ATRNL1: variants seen among roughly 807,000 people sequenced by gnomAD.
ATRNL1 encodes attractin like 1, also known as attractin-like protein 1.
ATRNL1 carries 95 observed loss-of-function variants against 182.7 expected under a neutral mutation model. That is an observed-to-expected ratio of 0.52 (90% CI 0.44 to 0.62). The LOEUF (loss-of-function observed/expected upper bound fraction) is 0.62. ATRNL1 is among the 20% of genes least tolerant of loss of function. The pLI is 0.00. For missense variants in ATRNL1, 1,471 were observed against 1,679.5 expected (o/e 0.88, Z 2.17); for synonymous variants, 576 against 568.3 (o/e 1.01, Z -0.19).
intron 26 of ATRNL1, among the ~76,000 whole-genome samples, chr10:115,715,583 G>A (rs1947223528): frequency 6.6e-6 from 1 of 152,108 alleles, no homozygotes; most frequent in South Asian, 2.1e-4. Context: ...GATGGAATCG[G>A]GGTCAACATG....
At chr10:115,885,047 T>A (rs113072609) in intron 28 of ATRNL1, among the ~76,000 whole-genome samples, 3 of 152,302 alleles carry the variant, frequency 2.0e-5, no homozygotes, top group South Asian at 4.1e-4. Flanking sequence ...GACTTCACTT[T>A]AGAGAATAGA....
chr10:115,322,509 A>G (rs1280418775), intron 18 of ATRNL1, among the ~76,000 whole-genome samples: 4 of 152,068 alleles, frequency 2.6e-5, no homozygotes, highest in South Asian at 2.1e-4. Flanking sequence ...TTTAAAAATA[A>G]TTCCTTAAAA....
intron 18 of ATRNL1, among the ~76,000 whole-genome samples, chr10:115,332,547 T>C (rs1330418064): frequency 6.6e-6 from 1 of 152,258 alleles, no homozygotes; most frequent in African/African-American, 2.4e-5. Flanking sequence ...TCTAATTGTT[T>C]CATAATGTAA....
chr10:115,474,827 GT>G (rs1554972790), intron 24 of ATRNL1, among the ~76,000 whole-genome samples: 6 of 151,332 alleles, frequency 4.0e-5, no homozygotes, highest in Non-Finnish European at 8.9e-5. Context: ...AAAGTAAACA[GT>G]TCTTCAATAC....
intron 10 of ATRNL1, among the ~76,000 whole-genome samples, chr10:115,253,597 AT>A (rs1219493864): frequency 6.6e-6 from 1 of 151,970 alleles, no homozygotes; most frequent in Non-Finnish European, 1.5e-5. Context: ...GGCAGGGCAG[AT>A]TTTTTTTATT....
chr10:115,104,176 C>T (rs1843899437), intron 1 of ATRNL1, among the ~76,000 whole-genome samples: 3 of 152,186 alleles, frequency 2.0e-5, no homozygotes, highest in South Asian at 2.1e-4. Context: ...TAAGAGGGTT[C>T]CCTTTTCTCT....
intron 24 of ATRNL1, among the ~76,000 whole-genome samples, chr10:115,475,055 A>G (rs782322823): frequency 2.0e-5 from 3 of 151,566 alleles, no homozygotes; most frequent in African/African-American, 7.2e-5. Flanking sequence ...GGAATTGTCT[A>G]TAGTATTTTC....
chr10:115,822,883 A>G (rs1397599730), intron 27 of ATRNL1, among the ~76,000 whole-genome samples: 1 of 152,174 alleles, frequency 6.6e-6, no homozygotes, highest in Non-Finnish European at 1.5e-5. Context: ...TCCTTCTGTA[A>G]CTATTCCAAA....
chr10:115,642,729 A>G (rs1262045209), intron 26 of ATRNL1, among the ~76,000 whole-genome samples: 2 of 152,150 alleles, frequency 1.3e-5, no homozygotes, highest in African/African-American at 4.8e-5. Flanking sequence ...ACAGGCCTGA[A>G]CCACTGCGCC....
chr10:115,514,727 G>A (rs969562169), intron 24 of ATRNL1, among the ~76,000 whole-genome samples: 2 of 151,834 alleles, frequency 1.3e-5, no homozygotes, highest in Non-Finnish European at 2.9e-5. Context: ...GTTAAAGAAT[G>A]GCAGATATTT....
intron 25 of ATRNL1, among the ~76,000 whole-genome samples, chr10:115,527,320 C>T (rs2225167): frequency 0.049 from 7,393 of 151,884 alleles, 542 homozygotes; most frequent in African/African-American, 0.17. Context: ...GGGGTTTCAC[C>T]GTGTTGCCCA....
chr10:115,757,257 T>C (rs190279232), intron 27 of ATRNL1, among the ~76,000 whole-genome samples: 2 of 152,326 alleles, frequency 1.3e-5, no homozygotes, highest in East Asian at 3.9e-4. Context: ...CTAGTGTCGA[T>C]GTTCTTTACA....
At chr10:115,355,501 T>G (rs781793535) in intron 19 of ATRNL1, among the ~76,000 whole-genome samples, 6 of 152,142 alleles carry the variant, frequency 3.9e-5, no homozygotes, top group Non-Finnish European at 5.9e-5. Context: ...TAAGGAGCCC[T>G]TCTCTACCCT....
In ATRNL1 at chr10:115,215,735, A is replaced by AT; in HGVS notation, c.1389dup (p.Val464CysfsTer9). 1 of 1,602,462 alleles carries AT rather than the reference A, an allele frequency of 6.2e-7. No individual in the cohort carries two copies. The highest frequency in any genetic ancestry group is 8.5e-7 in the Non-Finnish European group (1 of 1,175,738). ...GCTTGTTCCAGAAACTAAAGGAGCT[A>AT]TTGTACAAGGTGGATATGGCCATAC... On this transcript the variant is annotated frameshift_variant, in exon 9 of 29. Transcript: ENST00000355044. LOFTEE classifies it high-confidence loss of function.
intron 21 of ATRNL1, among the ~76,000 whole-genome samples, chr10:115,437,935 A>G (rs1393634040): frequency 6.6e-6 from 1 of 151,986 alleles, no homozygotes; most frequent in African/African-American, 2.4e-5. Context: ...ATTGGGTCTC[A>G]TTAAGCTTAG....
chr10:115,287,924 GTTTT>G (rs11298663), intron 15 of ATRNL1, among the ~76,000 whole-genome samples: 1 of 91,008 alleles, frequency 1.1e-5, no homozygotes. Context: ...AAGATCAACT[GTTTT>G]TTTTTTTTTT....
chr10:115,920,730 A>C (rs1405421707), intron 28 of ATRNL1, among the ~76,000 whole-genome samples: 2 of 152,234 alleles, frequency 1.3e-5, no homozygotes, highest in Non-Finnish European at 2.9e-5. Context: ...TCACCTTCAC[A>C]GCATTAGACG....
chr10:115,539,864 A>G lies in ATRNL1; in HGVS notation c.3717-9594A>G, dbSNP rs1397072096. ...CTTGTCTGTCCTCCCAGCTCAAAAC[A>G]TGGTACAATAGGAAAAGTGTGTAGT... is the stretch of plus-strand genomic sequence containing the variant. On this transcript the variant is annotated intron_variant, in intron 25 of 28. Transcript: ENST00000355044. Among the ~76,000 whole-genome samples the G allele has an allele frequency of 2.6e-5, 4 of 151,596 alleles. No homozygotes were observed. In the South Asian group the frequency reaches 6.3e-4, roughly 24 times the overall value.
intron 26 of ATRNL1, among the ~76,000 whole-genome samples, chr10:115,660,605 C>G (rs7089599): frequency 6.6e-6 from 1 of 151,690 alleles, no homozygotes; most frequent in Non-Finnish European, 1.5e-5. Context: ...AGGATGACAC[C>G]TAAGTAAGGA....
Sources: gnomAD v4.1 joint callset for allele counts (sites outside exome capture counted in the v4.1 genomes callset) on GRCh38, gnomAD v4.1.1 for gene constraint, MANE v1.5 for transcripts, NCBI Gene and HGNC (gene_info 2026-07-23, HGNC 2026-07-21) for gene names.